CNR1: variants seen among roughly 807,000 people sequenced by gnomAD.
The protein encoded by CNR1 is cannabinoid receptor 1, also known as cannabinoid receptor 1 (brain).
Under a neutral mutation model 23.0 loss-of-function variants are expected in CNR1, and 10 were observed. The ratio of observed to expected loss-of-function variants is 0.43; its 90% CI spans 0.27 to 0.74. The LOEUF is 0.74. CNR1 is among the 30% of genes least tolerant of loss of function. The probability of loss-of-function intolerance (pLI) is 0.19; values close to 1 mark genes in which losing one functional copy is unlikely to be tolerated. For missense variants in CNR1, 422 were observed against 618.8 expected (o/e 0.68, Z 3.37); for synonymous variants, 271 against 255.2 (o/e 1.06, Z -0.59).
chr6:88,153,059 A>G (rs1777611602), intron 1 of CNR1, among the ~76,000 whole-genome samples: 2 of 152,232 alleles, frequency 1.3e-5, no homozygotes, highest in Non-Finnish European at 1.5e-5. Context: ...TAACAGTGTA[A>G]GCTATATAAA....
At chr6:88,155,515 C>T (rs1009875513) in intron 1 of CNR1, among the ~76,000 whole-genome samples, 1 of 152,144 alleles carries the variant, frequency 6.6e-6, no homozygotes, top group African/African-American at 2.4e-5. Flanking sequence ...ATTCAAAGCC[C>T]CTGCTCTCAA....
chr6:88,153,050 A>T (rs1312889633), intron 1 of CNR1, among the ~76,000 whole-genome samples: 2 of 152,242 alleles, frequency 1.3e-5, no homozygotes, highest in Non-Finnish European at 2.9e-5. Context: ...AACATATTCT[A>T]ACAGTGTAAG....
intron 1 of CNR1, among the ~76,000 whole-genome samples, chr6:88,148,036 G>A (rs1777299571): frequency 6.6e-6 from 1 of 152,114 alleles, no homozygotes; most frequent in Non-Finnish European, 1.5e-5. Flanking sequence ...CTGTGATCTA[G>A]CTCCCGCCCA....
rs771165694 is a variant in CNR1, at chr6:88,144,575, C to T, written c.700G>A (p.Val234Met). 1.3e-5 allele frequency: 21 copies of T among 1,614,090 alleles called. No homozygotes were observed. The highest frequency in any genetic ancestry group is 3.3e-5 in the Admixed American group (2 of 60,006). Reference sequence around the variant, plus strand: ...GTCCACATCAGGCAAAACGCCACCACGGCCTTGGGCCTGGTGACAATCCTC... The same window carrying T: ...GTCCACATCAGGCAAAACGCCACCATGGCCTTGGGCCTGGTGACAATCCTC... ...YKRIVTRPKAVVAFCLMWTIA... is the reference protein window; with the variant it reads ...YKRIVTRPKAMVAFCLMWTIA... The change falls in exon 2 of 2, where the codon GTG becomes ATG. Residue 234 changes from valine (V) to methionine (M), a missense_variant. Physicochemically the swap from Val to Met is conservative, Grantham distance 21. Around this residue, in one of 4 missense-constraint regions of CNR1, gnomAD observed 211 missense variants for 357.3 expected, o/e 0.59. Coordinates refer to ENST00000369501, the MANE Select transcript of CNR1 (RefSeq NM_016083.6). The surrounding 1 kb of genome is among the most constrained non-coding windows in gnomAD (Gnocchi z 7.8).
At chr6:88,156,396 TGG>T (rs1777797753) in intron 1 of CNR1, among the ~76,000 whole-genome samples, 2 of 152,194 alleles carry the variant, frequency 1.3e-5, no homozygotes, top group Non-Finnish European at 2.9e-5. Context: ...GTAAGGGACA[TGG>T]GTCAGGTCAA....
At chr6:88,151,505 G>A (rs1277351390) in intron 1 of CNR1, among the ~76,000 whole-genome samples, 1 of 152,132 alleles carries the variant, frequency 6.6e-6, no homozygotes, top group Non-Finnish European at 1.5e-5. Flanking sequence ...TGAGGATGAT[G>A]ACAATAATGC....
intron 1 of CNR1, among the ~76,000 whole-genome samples, chr6:88,152,971 T>A (rs1189654097): frequency 6.6e-6 from 1 of 152,202 alleles, no homozygotes; most frequent in African/African-American, 2.4e-5. Context: ...TTATTACAGT[T>A]ATAGTAAAAG....
intron 1 of CNR1, among the ~76,000 whole-genome samples, chr6:88,150,396 T>C (rs555208339): frequency 6.6e-6 from 1 of 152,350 alleles, no homozygotes; most frequent in East Asian, 1.9e-4. Flanking sequence ...CTTCCAGAGA[T>C]ACTCCATGCA....
rs767768865 is a variant in CNR1, at chr6:88,144,369, G to A, written c.906C>T (p.His302=). The A allele has an allele frequency of 1.3e-5, 21 of 1,613,976 alleles. No homozygotes were observed. The East Asian group carries it at 4.2e-4, about 33-fold the overall frequency. Residue 302 remains histidine (H), a synonymous_variant, in exon 2 of 2, where the codon CAC becomes CAT. Coordinates refer to ENST00000369501, the MANE Select transcript of CNR1 (RefSeq NM_016083.6). This position sits in a 1 kb window ranked among gnomAD's most constrained non-coding sequence, Gnocchi z 7.8. ...GCTGAATCATGCGGACGGCGTGGCT[G>A]TGAGCCTTCCAGAGAATATACATGT... is the stretch of plus-strand genomic sequence containing the variant. ...YAYMYILWKA[H]SHAVRMIQRG... is the part of the protein sequence containing the mutation.
At chr6:88,151,613 C>A (rs185919330) in intron 1 of CNR1, among the ~76,000 whole-genome samples, 2 of 151,966 alleles carry the variant, frequency 1.3e-5, no homozygotes, top group East Asian at 1.9e-4. Flanking sequence ...TTATTATTAT[C>A]ATTACTTAGT....
At chr6:88,166,395 T>A (rs1778372539), upstream of CNR1, 1 of 152,266 alleles carries the variant, frequency 6.6e-6, no homozygotes, top group Non-Finnish European at 1.5e-5. Flanking sequence ...TCCCATCACG[T>A]GTTAATGAGC....
chr6:88,154,139 A>G (rs1169657696), intron 1 of CNR1, among the ~76,000 whole-genome samples: 2 of 152,212 alleles, frequency 1.3e-5, no homozygotes, highest in Non-Finnish European at 2.9e-5. Flanking sequence ...TGTAACATAA[A>G]ATAGAAGTTA....
chr6:88,152,214 C>CAAAAAAA (rs56141409), intron 1 of CNR1, among the ~76,000 whole-genome samples: 6 of 81,584 alleles, frequency 7.4e-5, no homozygotes, highest in African/African-American at 1.9e-4. Context: ...GACTCCGTCT[C>CAAAAAAA]AAAAAAAAAA....
In CNR1 at chr6:88,145,270, T is replaced by C; in HGVS notation, c.5A>G (p.Lys2Arg). The C allele has an allele frequency of 6.2e-7, 1 of 1,605,922 alleles. No individual in the cohort carries two copies. The highest frequency in any genetic ancestry group is 1.1e-5 in the South Asian group (1 of 90,066). ...ATCTGCAAGGCCATCTAGGATCGAC[T>C]TCATAACCTCAGTCTTTGATTAGGC... MKSILDGLADTT... is the reference protein window; with the variant it reads MRSILDGLADTT... The change falls in exon 2 of 2, where the codon AAG becomes AGG. Residue 2 changes from lysine (K) to arginine (R), a missense_variant. Physicochemically the swap from Lys to Arg is conservative, Grantham distance 26. Transcript: ENST00000369501.
rs939176630 is a variant in CNR1, at chr6:88,140,109, T to C, written c.*3747A>G. 1 of 152,806 alleles carries C rather than the reference T, an allele frequency of 6.5e-6. No homozygotes were observed. The highest frequency in any genetic ancestry group is 2.4e-5 in the African/African-American group (1 of 41,448). 9.5% of individuals were successfully genotyped at this position (152,806 alleles called of 1,614,324 possible). On this transcript the variant is annotated 3_prime_UTR_variant, in exon 2 of 2. Coordinates refer to ENST00000369501, the MANE Select transcript of CNR1 (RefSeq NM_016083.6). The stretch of plus-strand genomic sequence containing the variant: ...CTTGTATACAAAGTATTATACAGAT[T>C]ACTAACGAAGATATTGCAGTGGTTG...
intron 1 of CNR1, chr6:88,147,740 C>G (rs1777283485): frequency 6.6e-6 from 1 of 152,298 alleles, no homozygotes; most frequent in Admixed American, 6.5e-5. Flanking sequence ...ACTTGCCACA[C>G]AGCTGTGGGG....
intron 1 of CNR1, among the ~76,000 whole-genome samples, chr6:88,148,268 C>T (rs1777315861): frequency 6.6e-6 from 1 of 152,300 alleles, no homozygotes; most frequent in Middle Eastern, 3.4e-3. Flanking sequence ...TCTGGGCTCC[C>T]AGAATACCCA....
chr6:88,144,135 T>G lies in CNR1; in HGVS notation c.1140A>C (p.Ala380=). 6.2e-7 allele frequency: 1 copy of G among 1,614,044 alleles called. No homozygotes were observed. The highest frequency in any genetic ancestry group is 8.5e-7 in the Non-Finnish European group (1 of 1,180,016). Residue 380 remains alanine (A), a synonymous_variant, in exon 2 of 2, where the codon GCA becomes GCC. Transcript: ENST00000369501. This position sits in a 1 kb window ranked among gnomAD's most constrained non-coding sequence, Gnocchi z 7.8. ...TCAGCAGGCAGAGCATACTGCAGAA[T>G]GCAAACACCGTCTTAATGAGCTTGT... ...KMNKLIKTVF[A]FCSMLCLLNS...
intron 1 of CNR1, chr6:88,164,366 A>C (rs1050237501): frequency 6.6e-6 from 1 of 152,384 alleles, no homozygotes; most frequent in African/African-American, 2.4e-5. Context: ...TTTTAAAACC[A>C]TGTCCCACAT....
Sources: allele counts gnomAD v4.1 joint callset (sites outside exome capture counted in the v4.1 genomes callset), GRCh38; gene constraint gnomAD v4.1.1; regional missense constraint gnomAD v4.1.1; non-coding constraint Gnocchi (gnomAD v3.1); transcripts MANE v1.5; gene names NCBI Gene and HGNC (gene_info 2026-07-23, HGNC 2026-07-21).